The following PLD5 variants were observed in gnomAD, a reference collection of about 807,000 sequenced individuals.
PLD5 encodes phospholipase D family member 5, also known as inactive phospholipase D5.
PLD5 carries 36 observed loss-of-function variants against 61.1 expected under a neutral mutation model. The observed-to-expected ratio is 0.59, with a 90% CI of 0.45 to 0.78. PLD5 has a LOEUF of 0.78. Ranked by LOEUF, PLD5 falls within the 30% of genes least tolerant of loss-of-function variation. PLD5 has a pLI of 0.00. For synonymous variants in PLD5, 243 were observed against 242.8 expected (o/e 1.00, Z -0.01); for missense variants, 515 against 644.4 (o/e 0.80, Z 2.17).
intron 1 of PLD5, among the ~76,000 whole-genome samples, chr1:242,484,352 T>C (rs183854805): frequency 2.3e-4 from 35 of 151,800 alleles, no homozygotes; most frequent in Non-Finnish European, 3.7e-4. Flanking sequence ...ATCAAATAGA[T>C]GCAATAAAAA....
upstream of PLD5, among the ~76,000 whole-genome samples, chr1:242,526,384 G>C (rs1351271477): frequency 1.3e-5 from 2 of 152,128 alleles, no homozygotes; most frequent in Non-Finnish European, 2.9e-5. Flanking sequence ...TCGGAGGTGA[G>C]GCTGTGAAAA....
At position 242,490,446 on chromosome 1, in the gene PLD5, A is replaced by T. The variant is rs531221515; in HGVS notation, c.189+33642T>A. 3.3e-5 allele frequency among the ~76,000 whole-genome samples: 5 copies of T among 152,322 alleles called. No homozygotes were observed. The South Asian group carries it at 1.0e-3, about 32-fold the overall frequency. On this transcript the variant is annotated intron_variant, in intron 1 of 9. Transcript: ENST00000536534. ...CTTTCAGTCTTTCTCTTAAATATAA[A>T]CTTTCAAAACTATACCTCGAACACA...
At chr1:242,301,706 A>G (rs1676044225) in intron 2 of PLD5, among the ~76,000 whole-genome samples, 2 of 152,022 alleles carry the variant, frequency 1.3e-5, no homozygotes, top group South Asian at 4.1e-4. Context: ...TAAGACTGCA[A>G]CAGTTGTAAC....
chr1:242,413,145 T>C (rs1350786259), intron 1 of PLD5, among the ~76,000 whole-genome samples: 1 of 152,230 alleles, frequency 6.6e-6, no homozygotes, highest in African/African-American at 2.4e-5. Flanking sequence ...GTGATGTTTC[T>C]GCTCTGCCTC....
chr1:242,272,367 A>G (rs1456577690), intron 3 of PLD5, among the ~76,000 whole-genome samples: 14 of 152,154 alleles, frequency 9.2e-5, no homozygotes, highest in Non-Finnish European at 1.2e-4. Context: ...GAGACTATAT[A>G]AAAATTATAT....
chr1:242,344,955 TGA>T (rs1275219788), intron 2 of PLD5, among the ~76,000 whole-genome samples: 2 of 151,896 alleles, frequency 1.3e-5, no homozygotes, highest in Admixed American at 6.6e-5. Flanking sequence ...CAAGAGAAAA[TGA>T]GAGAGAAGCA....
intron 1 of PLD5, among the ~76,000 whole-genome samples, chr1:242,484,843 C>T (rs144108408): frequency 0.043 from 6,592 of 152,114 alleles, 228 homozygotes; most frequent in Middle Eastern, 0.058. Flanking sequence ...CAACAGCACA[C>T]CAAAAAGCTT....
intron 4 of PLD5, 31 bp downstream of exon 4, chr1:242,265,306 C>A (rs373808643): frequency 2.5e-6 from 4 of 1,590,686 alleles, no homozygotes; most frequent in African/African-American, 2.7e-5. Flanking sequence ...GAACACCCAG[C>A]GGTAGAATAG....
chr1:242,301,234 G>A (rs1056570498), intron 2 of PLD5, among the ~76,000 whole-genome samples: 30 of 152,228 alleles, frequency 2.0e-4, no homozygotes, highest in African/African-American at 7.2e-4. Context: ...GGGGTTCAGT[G>A]AGGAAGATGT....
intron 1 of PLD5, among the ~76,000 whole-genome samples, chr1:242,514,345 A>T (rs1669031543): frequency 6.6e-6 from 1 of 152,212 alleles, no homozygotes; most frequent in African/African-American, 2.4e-5. Context: ...GGTCCTTACC[A>T]GTACGAACCA....
At chr1:242,293,766 G>A (rs1484553713) in intron 2 of PLD5, among the ~76,000 whole-genome samples, 1 of 152,138 alleles carries the variant, frequency 6.6e-6, no homozygotes, top group Non-Finnish European at 1.5e-5. Flanking sequence ...GGAAAAGCTT[G>A]GAAATAATGA....
chr1:242,524,366 G>A lies in PLD5; in HGVS notation c.-90C>T. On this transcript the variant is annotated 5_prime_UTR_variant, in exon 1 of 10. Coordinates refer to ENST00000536534, the MANE Select transcript of PLD5 (RefSeq NM_001372062.1). ...GCGGAGGGCGAGCGGGAGGCCCAGCGGGAGCCGGAGGTGGAGCTGGAGACT... is the reference window on the plus strand; with the variant it reads ...GCGGAGGGCGAGCGGGAGGCCCAGCAGGAGCCGGAGGTGGAGCTGGAGACT... The A allele has an allele frequency of 8.2e-7, 1 of 1,220,872 alleles. No individual in the cohort carries two copies. Among genetic ancestry groups the A allele is most frequent in the Non-Finnish European group, 1.1e-6 (1 of 945,006 alleles). 75.6% of individuals were successfully genotyped at this position (1,220,872 alleles called of 1,614,324 possible).
intron 1 of PLD5, among the ~76,000 whole-genome samples, chr1:242,414,234 C>A (rs1010870271): frequency 1.3e-5 from 2 of 151,974 alleles, no homozygotes; most frequent in Admixed American, 1.3e-4. Context: ...ATCTGTGAAA[C>A]GCAAAAGGAT....
At chr1:242,231,252 G>A (rs1375466840) in intron 4 of PLD5, among the ~76,000 whole-genome samples, 2 of 152,078 alleles carry the variant, frequency 1.3e-5, no homozygotes. Context: ...TCCCTGTTGA[G>A]GTCACACAGC....
At chr1:242,340,788 G>A (rs1659785396) in intron 2 of PLD5, among the ~76,000 whole-genome samples, 1 of 152,162 alleles carries the variant, frequency 6.6e-6, no homozygotes, top group Non-Finnish European at 1.5e-5. Flanking sequence ...TGGCCCTATA[G>A]TCCACATGCT....
intron 1 of PLD5, chr1:242,365,555 G>A (rs1365539192): frequency 6.4e-5 from 10 of 157,256 alleles, no homozygotes; most frequent in African/African-American, 1.2e-4. Flanking sequence ...GTAAGTCCTC[G>A]CCCAGGCCTA....
chr1:242,136,319 CAT>C (rs1663724219), intron 5 of PLD5, among the ~76,000 whole-genome samples: 1 of 152,154 alleles, frequency 6.6e-6, no homozygotes, highest in Non-Finnish European at 1.5e-5. Context: ...ATAAGCAAAA[CAT>C]TCAGTTAGAA....
chr1:242,227,075 C>A (rs994237782), intron 4 of PLD5, among the ~76,000 whole-genome samples: 6 of 152,174 alleles, frequency 3.9e-5, no homozygotes, highest in African/African-American at 1.4e-4. Context: ...TCTACCAAGA[C>A]TTTCTAGCAT....
intron 2 of PLD5, among the ~76,000 whole-genome samples, chr1:242,313,103 T>G (rs1488516577): frequency 1.3e-5 from 2 of 152,248 alleles, no homozygotes; most frequent in Admixed American, 6.5e-5. Context: ...AGACTTTGCA[T>G]GTAGGAAAAT....
Sources: allele counts gnomAD v4.1 joint callset (sites outside exome capture counted in the v4.1 genomes callset), GRCh38; gene constraint gnomAD v4.1.1; transcripts MANE v1.5; gene names NCBI Gene and HGNC (gene_info 2026-07-23, HGNC 2026-07-21).